Variants in SLC9A8 observed in about 807,000 individuals in gnomAD.
The protein encoded by SLC9A8 is sodium/hydrogen exchanger 8.
A neutral mutation model predicts 66.6 loss-of-function variants in SLC9A8; 48 were observed. That is an observed-to-expected ratio of 0.72 (90% CI 0.57 to 0.92). SLC9A8 has a LOEUF of 0.92. SLC9A8 is among the 40% of genes least tolerant of loss of function. The pLI is 0.00. For synonymous variants in SLC9A8, 274 were observed against 282.6 expected (o/e 0.97, Z 0.31); for missense variants, 599 against 747.3 (o/e 0.80, Z 2.31).
At position 49,815,083 on chromosome 20, in the gene SLC9A8, GCTC is replaced by G; in HGVS notation, c.104_106del (p.Leu35del). The G allele has an allele frequency of 6.2e-7, 1 of 1,609,016 alleles. No individual in the cohort carries two copies. Among genetic ancestry groups the G allele is most frequent in the East Asian group, 2.3e-5 (1 of 44,404 alleles). The stretch of plus-strand genomic sequence containing the variant: ...CCCTGGTTGTCACGACGAAACTGGT[GCTC>G]CCGACCCCTGGCAAGCCCATCCTCC... On this transcript the variant is annotated inframe_deletion, in exon 2 of 16. Transcript: ENST00000361573.
intron 2 of SLC9A8, among the ~76,000 whole-genome samples, chr20:49,820,555 T>TG (rs2086698018): frequency 6.6e-6 from 1 of 150,834 alleles, no homozygotes. Context: ...TGTTTTGTTT[T>TG]GTTTTTTTTG....
intron 3 of SLC9A8, chr20:49,830,955 C>T: frequency 1.3e-6 from 1 of 795,668 alleles, no homozygotes; most frequent in East Asian, 2.5e-5. Context: ...CTCTGCTTAG[C>T]CATTGCGCTG....
intron 3 of SLC9A8, chr20:49,830,990 C>G: frequency 1.3e-6 from 1 of 753,904 alleles, no homozygotes. Flanking sequence ...CTCTCTGACT[C>G]CCATGGCAGC....
At chr20:49,877,346 G>A (rs2089462535) in intron 11 of SLC9A8, among the ~76,000 whole-genome samples, 1 of 151,926 alleles carries the variant, frequency 6.6e-6, no homozygotes, top group African/African-American at 2.4e-5. Flanking sequence ...CTGTTCTGAG[G>A]GCCATCACAG....
intron 4 of SLC9A8, among the ~76,000 whole-genome samples, chr20:49,840,105 T>C (rs1209920831): frequency 6.6e-6 from 1 of 152,174 alleles, no homozygotes. Context: ...TCAGGGAGAT[T>C]GGGATGTATT....
At chr20:49,857,817 TCAC>T (rs10531491) in intron 8 of SLC9A8, among the ~76,000 whole-genome samples, 49,823 of 152,038 alleles carry the variant, frequency 0.33, 9,438 homozygotes, top group South Asian at 0.57. Context: ...GTTGTTGTTT[TCAC>T]CACATTTGCC....
intron 8 of SLC9A8, among the ~76,000 whole-genome samples, chr20:49,855,915 G>A (rs568162846): frequency 6.6e-6 from 1 of 151,908 alleles, no homozygotes; most frequent in Non-Finnish European, 1.5e-5. Context: ...TCAGCCTCCC[G>A]AGTAGCTGGG....
chr20:49,841,611 G>A (rs976126419), intron 4 of SLC9A8, among the ~76,000 whole-genome samples: 2 of 151,540 alleles, frequency 1.3e-5, no homozygotes, highest in African/African-American at 4.8e-5. Context: ...CTTTTTTTGA[G>A]ACAGAGTCTC....
chr20:49,887,130 A>G lies in SLC9A8; in HGVS notation c.1638+232A>G, dbSNP rs16994961. Among the ~76,000 whole-genome samples the G allele has an allele frequency of 5.9e-3, 898 of 152,292 alleles. 10 individuals are homozygous for G. Among genetic ancestry groups the G allele is most frequent in the African/African-American group, 0.02 (838 of 41,556 alleles). On this transcript the variant is annotated intron_variant, in intron 15 of 15. Coordinates refer to ENST00000361573, the MANE Select transcript of SLC9A8 (RefSeq NM_015266.3). ...AGGTTAATAATAGATTTGTTAACACAGTTTGGTTTTCCTGGATGATAGACT... is the reference window on the plus strand; with the variant it reads ...AGGTTAATAATAGATTTGTTAACACGGTTTGGTTTTCCTGGATGATAGACT...
At position 49,888,282 on chromosome 20, in the gene SLC9A8, C is replaced by T. The variant is rs535675863; in HGVS notation, c.*346C>T. 20 of 283,590 alleles carry T rather than the reference C, an allele frequency of 7.1e-5. No homozygotes were observed. Among genetic ancestry groups the T allele is most frequent in the Middle Eastern group, 2.5e-3 (2 of 802 alleles). The allele number at this position is 283,590 out of a possible 1,614,324, so 17.6% of individuals were successfully genotyped here. On this transcript the variant is annotated 3_prime_UTR_variant, in exon 16 of 16. Coordinates refer to ENST00000361573, the MANE Select transcript of SLC9A8 (RefSeq NM_015266.3). ...CCGGAGGACCCCTGCGGCCCCCTGC[C>T]TAGAGGAGCACCATCTACAGTTGTG...
chr20:49,862,654 C>T (rs912275764), intron 8 of SLC9A8, among the ~76,000 whole-genome samples: 8 of 152,158 alleles, frequency 5.3e-5, no homozygotes, highest in Non-Finnish European at 1.0e-4. Flanking sequence ...CTACCCCTCC[C>T]GCGGATTGTC....
At chr20:49,883,347 C>G (rs972800284) in intron 13 of SLC9A8, among the ~76,000 whole-genome samples, 2 of 152,142 alleles carry the variant, frequency 1.3e-5, no homozygotes, top group Admixed American at 6.5e-5. Flanking sequence ...GCATCTTGTG[C>G]TGTTGTGGGT....
chr20:49,812,970 C>G, intron 1 of SLC9A8, 22 bp downstream of exon 1: 1 of 1,392,844 alleles, frequency 7.2e-7, no homozygotes, highest in Non-Finnish European at 9.3e-7. Flanking sequence ...TTTTCCCGGG[C>G]GGCGGAGGCG....
chr20:49,891,140 C>G lies in SLC9A8; in HGVS notation c.*3204C>G, dbSNP rs1481598151. ...GGTGGCTCAGGGCTGGAACTGCTGC[C>G]TGATTCCTGTGTGGGGAGAAGCTCA... is the stretch of plus-strand genomic sequence containing the variant. On this transcript the variant is annotated 3_prime_UTR_variant, in exon 16 of 16. Transcript: ENST00000361573. 2 of 152,364 alleles carry G rather than the reference C, an allele frequency of 1.3e-5. No homozygotes were observed. The highest frequency in any genetic ancestry group is 6.5e-5 in the Admixed American group (1 of 15,272). The allele number at this position is 152,364 out of a possible 1,614,324, so 9.4% of individuals were successfully genotyped here.
At chr20:49,844,139 T>C (rs1216452138) in intron 4 of SLC9A8, among the ~76,000 whole-genome samples, 1 of 152,188 alleles carries the variant, frequency 6.6e-6, no homozygotes, top group African/African-American at 2.4e-5. Context: ...TATTCTTTTA[T>C]AGCAAGACAC....
intron 4 of SLC9A8, among the ~76,000 whole-genome samples, chr20:49,843,523 A>G (rs959752177): frequency 3.9e-5 from 6 of 152,198 alleles, no homozygotes; most frequent in African/African-American, 7.2e-5. Context: ...AAATTGTGAC[A>G]TGGGAAAATA....
chr20:49,819,909 A>G (rs2086674128), intron 2 of SLC9A8, among the ~76,000 whole-genome samples: 1 of 152,142 alleles, frequency 6.6e-6, no homozygotes, highest in Admixed American at 6.5e-5. Flanking sequence ...ATTCCACTGT[A>G]TGGATATGCC....
At chr20:49,852,398 C>G (rs568617615) in intron 7 of SLC9A8, among the ~76,000 whole-genome samples, 4 of 152,286 alleles carry the variant, frequency 2.6e-5, no homozygotes, top group South Asian at 2.1e-4. Context: ...AAATACCATG[C>G]AGACCAAACA....
intron 7 of SLC9A8, 80 bp downstream of exon 7, chr20:49,850,924 G>A (rs1163200715): frequency 9.8e-7 from 1 of 1,018,426 alleles, no homozygotes; most frequent in Admixed American, 2.2e-5. Context: ...TCCTGGGTGT[G>A]GTACTGTTCT....
Sources: allele counts gnomAD v4.1 joint callset (sites outside exome capture counted in the v4.1 genomes callset), GRCh38; gene constraint gnomAD v4.1.1; transcripts MANE v1.5; gene names NCBI Gene and HGNC (gene_info 2026-07-23, HGNC 2026-07-21).